ABCE1: variants seen among roughly 807,000 people sequenced by gnomAD.
The protein encoded by ABCE1 is ATP binding cassette subfamily E member 1.
Under a neutral mutation model 83.4 loss-of-function variants are expected in ABCE1, and 22 were observed. The observed-to-expected ratio is 0.26, with a 90% CI of 0.19 to 0.38. The LOEUF is 0.38. Among genes scored for constraint, ABCE1 ranks in the 10% least tolerant of loss-of-function variants. ABCE1 has a pLI of 1.00. For missense variants in ABCE1, 330 were observed against 721.9 expected (o/e 0.46, Z 6.22); for synonymous variants, 204 against 233.7 (o/e 0.87, Z 1.16).
Position 145,105,622 on chromosome 4 carries a change from G to T in ABCE1, c.121G>T (p.Val41Phe), listed in dbSNP as rs1749281081. ...TTTACCAGGAAAATTATGCATAGAG[G>T]TTACACCCCAGAGCAAAATAGCATG... ...VVRMGKLCIE[V>F]TPQSKIAWIS... The change falls in exon 3 of 18, where the codon GTT (valine) becomes TTT (phenylalanine). Residue 41 changes from valine to phenylalanine, a missense_variant. Physicochemically the swap from Val to Phe is conservative, Grantham distance 50. Transcript: ENST00000296577. 3 of 1,604,748 alleles carry T rather than the reference G, an allele frequency of 1.9e-6. No individual in the cohort carries two copies. In the African/African-American group the frequency reaches 4.0e-5, roughly 22 times the overall value.
At chr4:145,102,543 G>T (rs1175146275) in intron 1 of ABCE1, among the ~76,000 whole-genome samples, 1 of 152,054 alleles carries the variant, frequency 6.6e-6, no homozygotes, top group Admixed American at 6.6e-5. Context: ...TTGAGATGAT[G>T]AATTTAAAGG....
intron 10 of ABCE1, among the ~76,000 whole-genome samples, chr4:145,118,808 G>A (rs1749669517): frequency 6.6e-6 from 1 of 151,794 alleles, no homozygotes; most frequent in Non-Finnish European, 1.5e-5. Flanking sequence ...TCTATAAACT[G>A]TAAAGGTGAT....
chr4:145,113,396 A>G (rs1749532210), intron 9 of ABCE1, among the ~76,000 whole-genome samples: 1 of 152,212 alleles, frequency 6.6e-6, no homozygotes, highest in African/African-American at 2.4e-5. Context: ...TGAAATTTAT[A>G]TAACCAGTGG....
In ABCE1 at chr4:145,125,017, T is replaced by G; in HGVS notation, c.1668T>G (p.Asn556Lys). The G allele has an allele frequency of 6.2e-7, 1 of 1,613,212 alleles. No individual in the cohort carries two copies. The highest frequency in any genetic ancestry group is 8.5e-7 in the Non-Finnish European group (1 of 1,179,496). Residue 556 changes from asparagine to lysine, a missense_variant, in exon 17 of 18, where the codon AAT (asparagine) becomes AAG (lysine). Asn to Lys is a moderately conservative substitution (Grantham distance 94). Transcript: ENST00000296577. ...CTCAAACCCTTTTGGCTGGCATGAA[T>G]AAATTTTTGTCTCAGCTTGAAATTA... ...NSPQTLLAGM[N>K]KFLSQLEITF...
chr4:145,123,589 A>C lies in ABCE1; in HGVS notation c.1629A>C (p.Thr543=), dbSNP rs1749798968. 1 of 1,596,994 alleles carries C rather than the reference A, an allele frequency of 6.3e-7. No individual in the cohort carries two copies. The change falls in exon 16 of 18, where the codon ACA becomes ACC. Residue 543 remains threonine (T), a synonymous_variant. Transcript: ENST00000296577. The part of the protein sequence containing the change: ...IVFDGVPSKN[T]VANSPQTLLA... The stretch of plus-strand genomic sequence containing the variant: ...TTGATGGTGTTCCATCTAAGAACAC[A>C]GTTGCAAACAGGTAAAATTACTTTT...
chr4:145,109,247 G>A lies in ABCE1; in HGVS notation c.403G>A (p.Asp135Asn), dbSNP rs1219935733. ...GKQKPNLGKY[D>N]DPPDWQEILT... Reference sequence around the variant, plus strand: ...ACAAAAGCCAAACCTTGGAAAGTACGATGTATGTATTATCACCTTGTAAAA... The same window carrying A: ...ACAAAAGCCAAACCTTGGAAAGTACAATGTATGTATTATCACCTTGTAAAA... The change falls in exon 5 of 18, where the codon GAT becomes AAT. Residue 135 changes from aspartate to asparagine, a missense_variant and splice_region_variant. By Grantham distance (23) the Asp-to-Asn change is conservative. Coordinates refer to ENST00000296577, the MANE Select transcript of ABCE1 (RefSeq NM_002940.3). The A allele has an allele frequency of 8.2e-6, 13 of 1,587,840 alleles. No individual in the cohort carries two copies. Among genetic ancestry groups the A allele is most frequent in the South Asian group, 2.2e-5 (2 of 89,640 alleles).
At chr4:145,127,315 G>A (rs1192189700) in intron 17 of ABCE1, among the ~76,000 whole-genome samples, 1 of 152,182 alleles carries the variant, frequency 6.6e-6, no homozygotes, top group Non-Finnish European at 1.5e-5. Context: ...GTTGGTGCAA[G>A]TGAGTCATTC....
At chr4:145,104,614 C>A in intron 2 of ABCE1, 99 bp downstream of exon 2, 1 of 730,748 alleles carries the variant, frequency 1.4e-6, no homozygotes, top group Non-Finnish European at 2.0e-6. Flanking sequence ...ACTTTGTGTT[C>A]ACCATTAGTT....
chr4:145,100,651 T>A lies in ABCE1; in HGVS notation c.-28+2232T>A, dbSNP rs984845319. On this transcript the variant is annotated intron_variant, in intron 1 of 17. Coordinates refer to ENST00000296577, the MANE Select transcript of ABCE1 (RefSeq NM_002940.3). Reference sequence around the variant, plus strand: ...ATCTAATTTCTTCCTCTTCTAATCTTTACAAGACCTGGACCAGTTTTTAGA... The same window carrying A: ...ATCTAATTTCTTCCTCTTCTAATCTATACAAGACCTGGACCAGTTTTTAGA... 1.3e-5 allele frequency among the ~76,000 whole-genome samples: 2 copies of A among 152,254 alleles called. 1 individual carries two copies. Among genetic ancestry groups the A allele is most frequent in the South Asian group, 4.1e-4 (2 of 4,834 alleles).
At chr4:145,119,061 AC>A in intron 10 of ABCE1, among the ~76,000 whole-genome samples, 1 of 152,024 alleles carries the variant, frequency 6.6e-6, no homozygotes, top group East Asian at 1.9e-4. Context: ...AGATCAAAAA[AC>A]ATGCTGATTT....
intron 10 of ABCE1, among the ~76,000 whole-genome samples, chr4:145,118,319 T>A (rs1271614395): frequency 6.6e-6 from 1 of 151,008 alleles, no homozygotes; most frequent in African/African-American, 2.4e-5. Flanking sequence ...AAAAATAAAT[T>A]TATATTGCAT....
intron 1 of ABCE1, among the ~76,000 whole-genome samples, chr4:145,101,265 A>T (rs1377978888): frequency 6.6e-6 from 1 of 152,190 alleles, no homozygotes; most frequent in South Asian, 2.1e-4. Context: ...GGGGAATAGC[A>T]TTACAGGCAG....
chr4:145,122,906 G>T (rs568453188), intron 13 of ABCE1, 115 bp from the exon 14 acceptor site: 4 of 677,436 alleles, frequency 5.9e-6, no homozygotes, highest in Admixed American at 3.2e-5. Context: ...ATTGATATCT[G>T]TTGGTGGCAA....
chr4:145,120,236 A>G (rs1048760433), intron 11 of ABCE1, 83 bp downstream of exon 11: 10 of 1,197,152 alleles, frequency 8.4e-6, no homozygotes, highest in Middle Eastern at 2.0e-4. Flanking sequence ...AAAAATTTGA[A>G]TCATATGTTA....
chr4:145,124,782 A>G (rs35524171), intron 16 of ABCE1, among the ~76,000 whole-genome samples: 100 of 152,244 alleles, frequency 6.6e-4, no homozygotes, highest in African/African-American at 2.3e-3. Flanking sequence ...TGTTTTGCAC[A>G]AAAATATTAC....
At chr4:145,117,990 G>C (rs770144218) in intron 10 of ABCE1, among the ~76,000 whole-genome samples, 1 of 151,138 alleles carries the variant, frequency 6.6e-6, no homozygotes, top group African/African-American at 2.4e-5. Flanking sequence ...AGAAACTAGC[G>C]TACCACTAAG....
rs149782442 is a variant in ABCE1 at position 145,102,696 on chromosome 4, A to G, written c.-27-1690A>G. 1.6e-4 allele frequency among the ~76,000 whole-genome samples: 25 copies of G among 152,226 alleles called. No homozygotes were observed. In the East Asian group the frequency reaches 3.7e-3, roughly 22 times the overall value. ...AGGAAAATAAAAACACCAAGAGCTG[A>G]GGGACAGTGGAAATATGATAGAATC... On this transcript the variant is annotated intron_variant, in intron 1 of 17. Transcript: ENST00000296577.
Position 145,127,604 on chromosome 4 carries a change from A to G in ABCE1, c.*31A>G. The G allele has an allele frequency of 6.6e-7, 1 of 1,504,690 alleles. No homozygotes were observed. The highest frequency in any genetic ancestry group is 1.3e-5 in the South Asian group (1 of 75,294). The allele number at this position is 1,504,690 out of a possible 1,614,324, so 93.2% of individuals were successfully genotyped here. ...CTCTGAGAATATTGATAAGCCATTT[A>G]TTAAAAGGAGTATTTACTAGAATTT... is the stretch of plus-strand genomic sequence containing the variant. On this transcript the variant is annotated 3_prime_UTR_variant, in exon 18 of 18. Coordinates refer to ENST00000296577, the MANE Select transcript of ABCE1 (RefSeq NM_002940.3).
At chr4:145,102,383 T>C (rs186475098) in intron 1 of ABCE1, among the ~76,000 whole-genome samples, 2 of 152,256 alleles carry the variant, frequency 1.3e-5, no homozygotes, top group Admixed American at 6.5e-5. Flanking sequence ...TGAATGCTGA[T>C]AAGAATGAGC....
Sources: gnomAD v4.1 joint callset for allele counts (sites outside exome capture counted in the v4.1 genomes callset) on GRCh38, gnomAD v4.1.1 for gene constraint, MANE v1.5 for transcripts, NCBI Gene and HGNC (gene_info 2026-07-23, HGNC 2026-07-21) for gene names.